The following RFFL variants were observed in gnomAD, a reference collection of about 807,000 sequenced individuals.
RFFL encodes E3 ubiquitin-protein ligase rififylin.
In RFFL, 16 loss-of-function variants were observed where a neutral mutation model predicts 40.4. The ratio of observed to expected loss-of-function variants is 0.40; its 90% confidence interval spans 0.27 to 0.60. The LOEUF (loss-of-function observed/expected upper bound fraction) is 0.60. Ranked by LOEUF, RFFL falls within the 20% of genes least tolerant of loss-of-function variation. The probability of loss-of-function intolerance (pLI) is 0.47; values close to 1 mark genes in which losing one functional copy is unlikely to be tolerated. For missense variants in RFFL, 367 were observed against 451.7 expected, an observed-to-expected ratio of 0.81 and a Z score of 1.70; for synonymous variants, 154 against 167.9, an observed-to-expected ratio of 0.92 and a Z score of 0.64.
chr17:35,016,289 G>A, intron 5 of RFFL, 81 bp downstream of exon 5: 1 of 1,243,512 alleles, frequency 8.0e-7, no homozygotes, highest in Non-Finnish European at 1.2e-6. Flanking sequence ...TGGAAATTGA[G>A]TCAGGTCAAT....
At chr17:35,043,374 T>C (rs944339493) in intron 1 of RFFL, among the ~76,000 whole-genome samples, 1 of 152,174 alleles carries the variant, frequency 6.6e-6, no homozygotes, top group Non-Finnish European at 1.5e-5. Flanking sequence ...ACTGGACTTT[T>C]CAATCTTACA....
intron 1 of RFFL, among the ~76,000 whole-genome samples, chr17:35,038,194 C>A (rs907464338): frequency 3.4e-5 from 5 of 149,248 alleles, no homozygotes; most frequent in African/African-American, 1.2e-4. Context: ...GAGGCTGAGG[C>A]AGAAGAATCG....
intron 1 of RFFL, among the ~76,000 whole-genome samples, chr17:35,035,099 G>C (rs2091111758): frequency 6.6e-6 from 1 of 152,126 alleles, no homozygotes; most frequent in African/African-American, 2.4e-5. Flanking sequence ...GCCTATTCAA[G>C]TCATCTGGCT....
At chr17:35,084,265 A>G (rs1022858356) in intron 1 of RFFL, among the ~76,000 whole-genome samples, 1 of 152,210 alleles carries the variant, frequency 6.6e-6, no homozygotes, top group Admixed American at 6.5e-5. Context: ...CCACTTGGGG[A>G]GCTTTTTGAA....
At chr17:35,049,207 C>A (rs188386146) in intron 1 of RFFL, among the ~76,000 whole-genome samples, 2 of 152,260 alleles carry the variant, frequency 1.3e-5, no homozygotes, top group Non-Finnish European at 2.9e-5. Context: ...ACTAGACCAT[C>A]CACACTGAGA....
At chr17:35,022,253 A>G (rs1234175096) in intron 2 of RFFL, among the ~76,000 whole-genome samples, 1 of 152,152 alleles carries the variant, frequency 6.6e-6, no homozygotes, top group East Asian at 1.9e-4. Flanking sequence ...TTAAGAGAGA[A>G]CCCATTTAGC....
chr17:35,084,044 T>G (rs11867358), intron 1 of RFFL, among the ~76,000 whole-genome samples: 14,040 of 149,852 alleles, frequency 0.094, 1,969 homozygotes, highest in African/African-American at 0.3. Context: ...TTTGAGACCA[T>G]CCTGGCCAAC....
intron 1 of RFFL, among the ~76,000 whole-genome samples, chr17:35,045,374 A>T (rs2091192991): frequency 6.6e-6 from 1 of 151,940 alleles, no homozygotes; most frequent in Non-Finnish European, 1.5e-5. Flanking sequence ...CTGGGATTAC[A>T]GGCACGTGCC....
chr17:35,042,283 C>T (rs2091171195), intron 1 of RFFL: 1 of 152,214 alleles, frequency 6.6e-6, no homozygotes, highest in Admixed American at 6.5e-5. Context: ...GTCTGGCAAG[C>T]AACTTGAACT....
At chr17:35,018,814 A>G (rs554592224) in intron 3 of RFFL, 2 of 152,348 alleles carry the variant, frequency 1.3e-5, no homozygotes, top group Admixed American at 1.3e-4. Flanking sequence ...GTAGATCCTC[A>G]CTGGTCTCTC....
chr17:35,083,645 G>A (rs1225650285), intron 1 of RFFL, among the ~76,000 whole-genome samples: 1 of 152,080 alleles, frequency 6.6e-6, no homozygotes, highest in South Asian at 2.1e-4. Context: ...GCTGGACATG[G>A]TGGCGCATGT....
At position 35,086,421 on chromosome 17, in the gene RFFL, G is replaced by A. The variant is rs770919138; in HGVS notation, c.-9+2684C>T. 4.6e-5 allele frequency among the ~76,000 whole-genome samples: 7 copies of A among 151,268 alleles called. No homozygotes were observed. The East Asian group carries it at 5.8e-4, about 13-fold the overall frequency. On this transcript the variant is annotated intron_variant, in intron 1 of 6. Transcript: ENST00000315249. ...TGAGCCCAGGAGGCAAGGTTGCATC[G>A]AGCTGAAATCATTCCATGGCACTCC...
At chr17:35,074,393 C>G (rs1567717161) in intron 1 of RFFL, 1 of 152,124 alleles carries the variant, frequency 6.6e-6, no homozygotes, top group African/African-American at 2.4e-5. Context: ...GCAGGCACTG[C>G]TTGCTGAGCT....
intron 1 of RFFL, among the ~76,000 whole-genome samples, chr17:35,051,518 G>A (rs957686192): frequency 6.6e-6 from 1 of 152,130 alleles, no homozygotes; most frequent in African/African-American, 2.4e-5. Context: ...ATATGAGTCA[G>A]GTAAAAGATT....
chr17:35,070,368 A>G (rs967388140), intron 1 of RFFL, among the ~76,000 whole-genome samples: 1 of 152,110 alleles, frequency 6.6e-6, no homozygotes, highest in Admixed American at 6.6e-5. Context: ...TGGGGTCTCA[A>G]TATGGTTCCC....
chr17:35,052,229 C>T (rs1012944917), intron 1 of RFFL, among the ~76,000 whole-genome samples: 7 of 152,184 alleles, frequency 4.6e-5, no homozygotes, highest in South Asian at 2.1e-4. Context: ...TCCCCAGTAC[C>T]GGAAGATTTT....
upstream of RFFL, among the ~76,000 whole-genome samples, chr17:35,067,456 CT>C (rs34727905): frequency 0.078 from 9,839 of 126,602 alleles, 730 homozygotes; most frequent in African/African-American, 0.26. Flanking sequence ...TCTTCCAAGC[CT>C]TTTTTTTTTT....
intron 1 of RFFL, among the ~76,000 whole-genome samples, chr17:35,055,247 A>G (rs2091253964): frequency 6.6e-6 from 1 of 152,050 alleles, no homozygotes; most frequent in African/African-American, 2.4e-5. Context: ...CTGATGGATA[A>G]ATGTGTGATT....
chr17:35,038,011 G>C (rs1334669387), intron 1 of RFFL, among the ~76,000 whole-genome samples: 1 of 151,108 alleles, frequency 6.6e-6, no homozygotes, highest in Non-Finnish European at 1.5e-5. Flanking sequence ...GGAGCAGACG[G>C]GCATGGTGGC....
Sources: gnomAD v4.1 joint callset for allele counts (sites outside exome capture counted in the v4.1 genomes callset) on GRCh38, gnomAD v4.1.1 for gene constraint, MANE v1.5 for transcripts, NCBI Gene and HGNC (gene_info 2026-07-23, HGNC 2026-07-21) for gene names.